CAMK2D: variants seen among roughly 807,000 people sequenced by gnomAD.
The protein encoded by CAMK2D is calcium/calmodulin dependent protein kinase II delta.
CAMK2D carries 37 observed loss-of-function variants against 84.0 expected under a neutral mutation model. That is an observed-to-expected ratio of 0.44 (90% CI 0.34 to 0.58). CAMK2D has a LOEUF of 0.58. CAMK2D is among the 20% of genes least tolerant of loss of function. CAMK2D has a pLI of 0.02. For missense variants in CAMK2D, 448 were observed against 652.5 expected, an observed-to-expected ratio of 0.69 and a Z score of 3.41; for synonymous variants, 202 against 212.5, an observed-to-expected ratio of 0.95 and a Z score of 0.43.
intron 14 of CAMK2D, among the ~76,000 whole-genome samples, chr4:113,504,285 G>GTGTT: frequency 6.6e-6 from 1 of 152,288 alleles, no homozygotes; most frequent in South Asian, 2.1e-4. Context: ...CCATCTCAAA[G>GTGTT]TGTTAGACTA....
chr4:113,622,650 G>A (rs192282826), intron 3 of CAMK2D, among the ~76,000 whole-genome samples: 1 of 152,160 alleles, frequency 6.6e-6, no homozygotes, highest in African/African-American at 2.4e-5. Flanking sequence ...TTTGGTTTCA[G>A]CTACATGGGA....
chr4:113,494,765 C>G lies in CAMK2D; in HGVS notation c.1135+5698G>C, dbSNP rs58420075. On this transcript the variant is annotated intron_variant, in intron 16 of 20. Coordinates refer to ENST00000511664, the MANE Select transcript of CAMK2D (RefSeq NM_001321571.2). ...TCGCTGCCGCCTTGCAGTTTGATCTCAGACTGCTGTGCTAGCAATCAGGGA... is the reference window on the plus strand; with the variant it reads ...TCGCTGCCGCCTTGCAGTTTGATCTGAGACTGCTGTGCTAGCAATCAGGGA... 7.2e-3 allele frequency among the ~76,000 whole-genome samples: 1,103 copies of G among 152,236 alleles called. 12 individuals carry two copies. The highest frequency in any genetic ancestry group is 0.025 in the African/African-American group (1,044 of 41,492).
intron 2 of CAMK2D, among the ~76,000 whole-genome samples, chr4:113,747,438 A>G (rs2099607167): frequency 6.6e-6 from 1 of 151,960 alleles, no homozygotes; most frequent in African/African-American, 2.4e-5. Context: ...TTATGTTTTC[A>G]ATAAATACCT....
chr4:113,507,326 C>A (rs1022618734), intron 13 of CAMK2D, among the ~76,000 whole-genome samples: 16 of 151,942 alleles, frequency 1.1e-4, no homozygotes, highest in Admixed American at 9.8e-4. Context: ...TCTCGGCTCA[C>A]TGAAACCTCT....
intron 3 of CAMK2D, among the ~76,000 whole-genome samples, chr4:113,649,306 A>T (rs2099163721): frequency 6.6e-6 from 1 of 152,208 alleles, no homozygotes; most frequent in Non-Finnish European, 1.5e-5. Flanking sequence ...GACTAAATAA[A>T]TCTTAATTAA....
chr4:113,567,457 T>G (rs946462170), intron 4 of CAMK2D, among the ~76,000 whole-genome samples: 31 of 152,252 alleles, frequency 2.0e-4, no homozygotes, highest in Non-Finnish European at 3.7e-4. Flanking sequence ...TGTGAGCCAC[T>G]GCACCCGGCC....
chr4:113,609,371 T>A (rs2098990535), intron 3 of CAMK2D, among the ~76,000 whole-genome samples, 165 bp from the exon 4 acceptor site: 1 of 152,192 alleles, frequency 6.6e-6, no homozygotes, highest in South Asian at 2.1e-4. Flanking sequence ...TGAGTTCAGA[T>A]AGAACTAAGG....
intron 4 of CAMK2D, among the ~76,000 whole-genome samples, chr4:113,567,520 T>G (rs1319992618): frequency 6.6e-6 from 1 of 152,204 alleles, no homozygotes; most frequent in Admixed American, 6.5e-5. Context: ...GGGGGAAATC[T>G]TAGATCCCCA....
At chr4:113,729,096 A>G (rs2099554767) in intron 2 of CAMK2D, among the ~76,000 whole-genome samples, 1 of 152,182 alleles carries the variant, frequency 6.6e-6, no homozygotes, top group African/African-American at 2.4e-5. Context: ...TTGCAGCCAC[A>G]ATAACAGTGG....
chr4:113,615,284 A>G (rs897256641), intron 3 of CAMK2D, among the ~76,000 whole-genome samples: 1 of 152,134 alleles, frequency 6.6e-6, no homozygotes, highest in East Asian at 1.9e-4. Context: ...ATATATACAT[A>G]TATGTATTAA....
chr4:113,454,541 A>T, intron 20 of CAMK2D, 26 bp from the exon 21 acceptor site: 1 of 777,416 alleles, frequency 1.3e-6, no homozygotes, highest in Non-Finnish European at 2.4e-6. Context: ...GGGAGGAAGA[A>T]ATAAATTATA....
At chr4:113,754,642 C>A (rs1339756501) in intron 2 of CAMK2D, 7 of 975,594 alleles carry the variant, frequency 7.2e-6, no homozygotes, top group Non-Finnish European at 8.5e-6. Context: ...TAATGAAATA[C>A]AGAAAAGAAT....
At chr4:113,555,543 C>T (rs1211432128) in intron 4 of CAMK2D, among the ~76,000 whole-genome samples, 2 of 152,016 alleles carry the variant, frequency 1.3e-5, no homozygotes, top group Admixed American at 6.6e-5. Flanking sequence ...AGCAGTTAAG[C>T]GAAGAATCAC....
intron 4 of CAMK2D, among the ~76,000 whole-genome samples, chr4:113,574,852 T>C (rs1043379343): frequency 5.9e-5 from 9 of 152,224 alleles, no homozygotes; most frequent in African/African-American, 2.2e-4. Flanking sequence ...AATGAAAACA[T>C]TAATCCCATA....
At chr4:113,455,210 C>A (rs998518751) in intron 20 of CAMK2D, among the ~76,000 whole-genome samples, 1 of 152,130 alleles carries the variant, frequency 6.6e-6, no homozygotes, top group Admixed American at 6.5e-5. Flanking sequence ...TCTGGAATTA[C>A]CCATTTTGTG....
At chr4:113,616,253 CT>C (rs1431656323) in intron 3 of CAMK2D, among the ~76,000 whole-genome samples, 1 of 152,048 alleles carries the variant, frequency 6.6e-6, no homozygotes, top group Non-Finnish European at 1.5e-5. Flanking sequence ...ATCCATATTA[CT>C]TTAAAAACTA....
intron 2 of CAMK2D, among the ~76,000 whole-genome samples, chr4:113,683,524 G>A (rs752953744): frequency 2.0e-5 from 3 of 152,132 alleles, no homozygotes; most frequent in East Asian, 1.9e-4. Context: ...TAAGTGCTAC[G>A]GAAACACAGA....
chr4:113,490,113 G>C (rs1327701566), intron 16 of CAMK2D, among the ~76,000 whole-genome samples: 3 of 148,920 alleles, frequency 2.0e-5, no homozygotes, highest in Admixed American at 6.7e-5. Context: ...TCTGATGGTA[G>C]TTTCTTTTGC....
chr4:113,510,666 T>TATTA lies in CAMK2D; in HGVS notation c.947-995_947-992dup, dbSNP rs1235124987. Among the ~76,000 whole-genome samples the TATTA allele has an allele frequency of 2.6e-5, 4 of 152,156 alleles. 1 individual carries two copies. Among genetic ancestry groups the TATTA allele is most frequent in the Non-Finnish European group, 5.9e-5 (4 of 68,008 alleles). On this transcript the variant is annotated intron_variant, in intron 12 of 20. Coordinates refer to ENST00000511664, the MANE Select transcript of CAMK2D (RefSeq NM_001321571.2). ...GATACACACTTATGCTTTCATTTAA[T>TATTA]ATTAATTACATATACTTATTTAAGT...
Sources: gnomAD v4.1 joint callset for allele counts (sites outside exome capture counted in the v4.1 genomes callset) on GRCh38, gnomAD v4.1.1 for gene constraint, MANE v1.5 for transcripts, NCBI Gene and HGNC (gene_info 2026-07-23, HGNC 2026-07-21) for gene names.